USP3: variants seen among roughly 807,000 people sequenced by gnomAD.
USP3 encodes the protein ubiquitin specific peptidase 3.
A neutral mutation model predicts 72.3 loss-of-function variants in USP3; 20 were observed. That is an observed-to-expected ratio of 0.28 (90% CI 0.19 to 0.40). The LOEUF (loss-of-function observed/expected upper bound fraction) is 0.40. Ranked by LOEUF, USP3 falls within the 10% of genes least tolerant of loss-of-function variation. The pLI, the probability that USP3 is intolerant of heterozygous loss-of-function variation, is 1.00. For synonymous variants in USP3, 222 were observed against 225.3 expected, an observed-to-expected ratio of 0.99 and a Z score of 0.13; for missense variants, 479 against 633.9, an observed-to-expected ratio of 0.76 and a Z score of 2.62.
rs569539425 is a variant in USP3 at position 63,513,578 on chromosome 15, G to A, written c.91+8748G>A. Among the ~76,000 whole-genome samples the A allele has an allele frequency of 3.9e-5, 6 of 152,004 alleles. No individual in the cohort carries two copies. In the East Asian group the frequency reaches 7.7e-4, roughly 20 times the overall value. On this transcript the variant is annotated intron_variant, in intron 1 of 14. Transcript: ENST00000380324. ...AATTTTTTTGTAGAGATAGGGTCTC[G>A]ATGTTACCCAGGTCTTGAACTTCTG...
At chr15:63,519,560 T>G (rs1436366889) in intron 1 of USP3, among the ~76,000 whole-genome samples, 1 of 152,216 alleles carries the variant, frequency 6.6e-6, no homozygotes, top group Non-Finnish European at 1.5e-5. Flanking sequence ...TTGATTACTT[T>G]ATTAAGGTAA....
chr15:63,524,652 GTC>G (rs977901731), intron 1 of USP3, among the ~76,000 whole-genome samples: 60 of 152,228 alleles, frequency 3.9e-4, no homozygotes, highest in African/African-American at 1.3e-3. Context: ...GCTCCTTGGT[GTC>G]TCTCTGTCCC....
chr15:63,559,998 G>C, intron 7 of USP3, 28 bp downstream of exon 7: 1 of 1,587,528 alleles, frequency 6.3e-7, no homozygotes, highest in South Asian at 1.1e-5. Context: ...GTCCTTTCTG[G>C]CTTTGAGTTA....
At chr15:63,509,723 C>G (rs1408075356) in intron 1 of USP3, among the ~76,000 whole-genome samples, 2 of 152,138 alleles carry the variant, frequency 1.3e-5, no homozygotes, top group Non-Finnish European at 2.9e-5. Context: ...ACCCCGTCCC[C>G]CAGAATCTTA....
chr15:63,548,931 G>T (rs947438459), intron 3 of USP3, among the ~76,000 whole-genome samples: 6 of 152,126 alleles, frequency 3.9e-5, no homozygotes, highest in Admixed American at 2.0e-4. Context: ...GAATTTTGGA[G>T]CAGGTAGTAT....
intron 1 of USP3, among the ~76,000 whole-genome samples, chr15:63,505,191 TGGGGCGGGTGTCCGGCCCCCGA>T (rs1418170150): frequency 6.6e-6 from 1 of 151,810 alleles, no homozygotes; most frequent in Non-Finnish European, 1.5e-5. Context: ...GGGTCGCCTG[TGGGGCGGGTGTCCGGCCCCCGA>T]GGGGCGGCCG....
At chr15:63,557,344 C>G (rs564111794) in intron 5 of USP3, among the ~76,000 whole-genome samples, 1 of 152,052 alleles carries the variant, frequency 6.6e-6, no homozygotes, top group East Asian at 1.9e-4. Flanking sequence ...CCCATTGCAA[C>G]CTCAGCCTCC....
Position 63,588,538 on chromosome 15 carries a change from T to C in USP3, c.1215+115T>C. The C allele has an allele frequency of 9.9e-7, 1 of 1,005,812 alleles. No homozygotes were observed. The highest frequency in any genetic ancestry group is 1.5e-6 in the Non-Finnish European group (1 of 666,972). 62.3% of individuals were successfully genotyped at this position (1,005,812 alleles called of 1,614,324 possible). A position where few individuals can be genotyped will look rare whatever the true frequency, so the allele number is the denominator to read the frequency against. ...TGTTCTGTATTTTTCTCTAGGATTT[T>C]CAGTAAAAGCTAAACCCCTTACAGA... On this transcript the variant is annotated intron_variant, in intron 12 of 14. Coordinates refer to ENST00000380324, the MANE Select transcript of USP3 (RefSeq NM_006537.4). This position sits in a 1 kb window ranked among gnomAD's most constrained non-coding sequence, Gnocchi z 4.6.
chr15:63,556,172 A>G (rs1259572855), intron 4 of USP3: 1 of 152,392 alleles, frequency 6.6e-6, no homozygotes, highest in African/African-American at 2.4e-5. Flanking sequence ...ATGTGCCTGT[A>G]TTCCTGTAAC....
intron 1 of USP3, among the ~76,000 whole-genome samples, chr15:63,525,529 T>C (rs751421037): frequency 2.2e-4 from 33 of 152,228 alleles, no homozygotes; most frequent in South Asian, 8.3e-4. Context: ...TCATGTAGCT[T>C]GATTCCTTCT....
rs982099575 is a variant in USP3 at position 63,591,756 on chromosome 15, C to T, written c.*930C>T. On this transcript the variant is annotated 3_prime_UTR_variant, in exon 15 of 15. Coordinates refer to ENST00000380324, the MANE Select transcript of USP3 (RefSeq NM_006537.4). ...GTGACCCTCTGGGATTTACTTGGATCATCACCCGCACTTCAGTTTATCACT... is the reference window on the plus strand; with the variant it reads ...GTGACCCTCTGGGATTTACTTGGATTATCACCCGCACTTCAGTTTATCACT... 2 of 152,222 alleles carry T rather than the reference C, an allele frequency of 1.3e-5. No individual in the cohort carries two copies. The highest frequency in any genetic ancestry group is 2.4e-5 in the African/African-American group (1 of 41,450). The allele number at this position is 152,222 out of a possible 1,614,324, so 9.4% of individuals were successfully genotyped here.
At chr15:63,545,787 A>G (rs1029060500) in intron 3 of USP3, among the ~76,000 whole-genome samples, 4 of 151,944 alleles carry the variant, frequency 2.6e-5, no homozygotes, top group Non-Finnish European at 5.9e-5. Context: ...CCTGAGCAAC[A>G]TGGCGAAAAC....
rs1555398335 is a variant in USP3, at chr15:63,590,825, A to AATACCTCC, written c.1563_*7dup. 1.2e-6 allele frequency: 2 copies of AATACCTCC among 1,607,728 alleles called. No homozygotes were observed. Among genetic ancestry groups the AATACCTCC allele is most frequent in the Non-Finnish European group, 1.7e-6 (2 of 1,177,574 alleles). ...GCCAAAGCTGGATCGGATAAACTTT[A>AATACCTCC]ATACCTCCTCCAAATCATCATTCAC... On this transcript the variant is annotated frameshift_variant and stop_retained_variant, in exon 15 of 15. Transcript: ENST00000380324. LOFTEE classifies it high-confidence loss of function.
In USP3 at chr15:63,532,642, A is replaced by G; in HGVS notation, c.92-5A>G. On this transcript the variant is annotated splice_region_variant and splice_polypyrimidine_tract_variant and intron_variant, in intron 1 of 14. Coordinates refer to ENST00000380324, the MANE Select transcript of USP3 (RefSeq NM_006537.4). ...TGGTATATTGTGTATTTTTCTTTTT[A>G]TTAGTGTGCCGGTCCAACAAAAGCC... 1 of 1,613,966 alleles carries G rather than the reference A, an allele frequency of 6.2e-7. No individual in the cohort carries two copies. The highest frequency in any genetic ancestry group is 8.5e-7 in the Non-Finnish European group (1 of 1,179,898).
intron 6 of USP3, 121 bp downstream of exon 6, chr15:63,558,309 C>A: frequency 9.0e-7 from 1 of 1,110,542 alleles, no homozygotes. Context: ...CCTTAATTTC[C>A]TGTGCTTTTG....
Position 63,537,172 on chromosome 15 carries a change from C to G in USP3, c.284+16C>G, listed in dbSNP as rs532810476. ...GTACATACTGGTAAGTTAACATTTTCTGGAAATGAGATTTCTTACTGTGTG... is the reference window on the plus strand; with the variant it reads ...GTACATACTGGTAAGTTAACATTTTGTGGAAATGAGATTTCTTACTGTGTG... On this transcript the variant is annotated intron_variant, in intron 3 of 14. Coordinates refer to ENST00000380324, the MANE Select transcript of USP3 (RefSeq NM_006537.4). 1 of 1,607,396 alleles carries G rather than the reference C, an allele frequency of 6.2e-7. No homozygotes were observed. The highest frequency in any genetic ancestry group is 1.3e-5 in the African/African-American group (1 of 74,716).
chr15:63,544,640 G>T lies in USP3; in HGVS notation c.284+7484G>T. On this transcript the variant is annotated intron_variant, in intron 3 of 14. Transcript: ENST00000380324. This position sits in a 1 kb window ranked among gnomAD's most constrained non-coding sequence, Gnocchi z 4.2. ...GTGTGTTTTCATTTTTGGAGAATGGGGGAAGAATGTAAAGATGGAGATGAC... is the reference window on the plus strand; with the variant it reads ...GTGTGTTTTCATTTTTGGAGAATGGTGGAAGAATGTAAAGATGGAGATGAC... The T allele has an allele frequency of 1.4e-6, 1 of 698,052 alleles. No homozygotes were observed. Among genetic ancestry groups the T allele is most frequent in the Admixed American group, 2.0e-5 (1 of 49,414 alleles). 43.2% of individuals were successfully genotyped at this position (698,052 alleles called of 1,614,324 possible). A position where few individuals can be genotyped will look rare whatever the true frequency, so the allele number is the denominator to read the frequency against.
Position 63,590,793 on chromosome 15 carries a change from A to G in USP3, c.1530A>G (p.Glu510=), listed in dbSNP as rs758499284. Residue 510 remains glutamate (E), a synonymous_variant, in exon 15 of 15, where the codon GAA becomes GAG. Coordinates refer to ENST00000380324, the MANE Select transcript of USP3 (RefSeq NM_006537.4). ...AGGCCTACATCCTTTTCTACGTGGA[A>G]CACCAGGCCAAAGCTGGATCGGATA... The part of the protein sequence containing the change: ...KAKAYILFYV[E]HQAKAGSDKL 6.2e-7 allele frequency: 1 copy of G among 1,614,016 alleles called. No homozygotes were observed. Among genetic ancestry groups the G allele is most frequent in the South Asian group, 1.1e-5 (1 of 91,054 alleles).
intron 11 of USP3, among the ~76,000 whole-genome samples, chr15:63,586,293 T>C (rs2067060412): frequency 6.6e-6 from 1 of 152,224 alleles, no homozygotes; most frequent in Non-Finnish European, 1.5e-5. Flanking sequence ...CCATTGAGTG[T>C]GATATTCACT....
Sources: gnomAD v4.1 joint callset for allele counts (sites outside exome capture counted in the v4.1 genomes callset) on GRCh38, gnomAD v4.1.1 for gene constraint, Gnocchi (gnomAD v3.1) non-coding constraint, MANE v1.5 for transcripts, NCBI Gene and HGNC (gene_info 2026-07-23, HGNC 2026-07-21) for gene names.